CNTNAP3: variants seen among roughly 807,000 people sequenced by gnomAD.
The protein encoded by CNTNAP3 is contactin associated protein family member 3.
CNTNAP3 carries 36 observed loss-of-function variants against 92.1 expected under a neutral mutation model. That is an observed-to-expected ratio of 0.39 (90% CI 0.30 to 0.52). The LOEUF is 0.52. CNTNAP3 is among the 20% of genes least tolerant of loss of function. The probability of loss-of-function intolerance (pLI) is 0.76; values close to 1 mark genes in which losing one functional copy is unlikely to be tolerated. For synonymous variants in CNTNAP3, 232 were observed against 422.3 expected, an observed-to-expected ratio of 0.55 and a Z score of 5.53; for missense variants, 534 against 1,069.6, an observed-to-expected ratio of 0.50 and a Z score of 6.98.
chr9:39,067,559 G>A lies in CNTNAP3; in HGVS notation c.*6331C>T, dbSNP rs1382732361. ...ACTTCAGGCGCCCAACACCACGCCC[G>A]GCTAATTTTTGTATGTTTAGTAGAG... On this transcript the variant is annotated 3_prime_UTR_variant, in exon 24 of 24. Transcript: ENST00000297668. Among the ~76,000 whole-genome samples the A allele has an allele frequency of 1.5e-3, 219 of 149,830 alleles. No individual in the cohort carries two copies. Among genetic ancestry groups the A allele is most frequent in the African/African-American group, 5.0e-3 (197 of 39,294 alleles).
In CNTNAP3 at chr9:39,094,202, T is replaced by C. The variant is rs899121871; in HGVS notation, c.2996-5555A>G. 6.4e-4 allele frequency among the ~76,000 whole-genome samples: 97 copies of C among 151,722 alleles called. 1 individual carries two copies. Among genetic ancestry groups the C allele is most frequent in the African/African-American group, 2.2e-3 (93 of 41,526 alleles). ...GAGAAATGTCTCATCAAGTCCTTTG[T>C]CCAATTAGACTTTTTGTTGTTAAGT... On this transcript the variant is annotated intron_variant, in intron 18 of 23. Coordinates refer to ENST00000297668, the MANE Select transcript of CNTNAP3 (RefSeq NM_033655.5).
intron 12 of CNTNAP3, among the ~76,000 whole-genome samples, chr9:39,134,639 G>A (rs1416418441): frequency 6.6e-6 from 1 of 152,068 alleles, no homozygotes; most frequent in African/African-American, 2.4e-5. Context: ...TGTTGGCCAG[G>A]CTGGTCTTGA....
At chr9:39,091,248 G>C (rs1445051836) in intron 18 of CNTNAP3, among the ~76,000 whole-genome samples, 2 of 151,728 alleles carry the variant, frequency 1.3e-5, no homozygotes, top group East Asian at 3.9e-4. Flanking sequence ...GAACTAGTGA[G>C]AGTATACATT....
chr9:39,147,964 C>G (rs1307197861), intron 10 of CNTNAP3, among the ~76,000 whole-genome samples: 2 of 152,170 alleles, frequency 1.3e-5, no homozygotes, highest in African/African-American at 4.8e-5. Context: ...GAAAATCACA[C>G]TTGCATCACA....
intron 15 of CNTNAP3, among the ~76,000 whole-genome samples, chr9:39,104,432 A>G (rs1168898252): frequency 6.6e-6 from 1 of 151,618 alleles, no homozygotes; most frequent in Non-Finnish European, 1.5e-5. Context: ...AAATGACTCC[A>G]GAAGCCAGAA....
chr9:39,162,756 G>A (rs1245918038), intron 9 of CNTNAP3, among the ~76,000 whole-genome samples: 1 of 144,146 alleles, frequency 6.9e-6, no homozygotes, highest in Admixed American at 6.8e-5. Context: ...AGGAGTGGGA[G>A]CTTAGTATTG....
rs563737944 is a variant in CNTNAP3, at chr9:39,141,511, C to G, written c.1757-873G>C. Among the ~76,000 whole-genome samples, 936 of 152,138 alleles carry G rather than the reference C, an allele frequency of 6.2e-3. 6 individuals carry two copies. The highest frequency in any genetic ancestry group is 0.037 in the Middle Eastern group (11 of 294). ...GCTGAAATTCAAAACAGGAGAGAAA[C>G]TTTTTTGAAAGATATCCCTATATAA... On this transcript the variant is annotated intron_variant, in intron 11 of 23. Coordinates refer to ENST00000297668, the MANE Select transcript of CNTNAP3 (RefSeq NM_033655.5).
intron 18 of CNTNAP3, among the ~76,000 whole-genome samples, chr9:39,096,357 G>T: frequency 6.7e-6 from 1 of 149,382 alleles, no homozygotes; most frequent in Non-Finnish European, 1.5e-5. Context: ...CAGGCTAATA[G>T]CAGTGAATTC....
In CNTNAP3 at chr9:39,089,700, TA is replaced by T. The variant is rs567329937; in HGVS notation, c.2996-1054del. Among the ~76,000 whole-genome samples the T allele has an allele frequency of 9.4e-3, 1,439 of 152,280 alleles. 12 individuals are homozygous for T. The highest frequency in any genetic ancestry group is 0.041 in the Middle Eastern group (12 of 294). The stretch of plus-strand genomic sequence containing the variant: ...CAAACAGCAATTATGAGGGTTTTAA[TA>T]TCTCCACATCCTCACCAACATTTAT... On this transcript the variant is annotated intron_variant, in intron 18 of 23. Transcript: ENST00000297668.
chr9:39,103,849 C>T lies in CNTNAP3; in HGVS notation c.2431G>A (p.Gly811Arg), dbSNP rs1200739026. The T allele has an allele frequency of 1.4e-5, 22 of 1,610,688 alleles. No individual in the cohort carries two copies. The highest frequency in any genetic ancestry group is 1.0e-4 in the Admixed American group (6 of 59,916). ...TSYLHFPAFHGELTADVCFFF... is the reference protein window; with the variant it reads ...TSYLHFPAFHRELTADVCFFF... Reference sequence around the variant, plus strand: ...AAGCACACGTCAGCAGTGAGTTCTCCGTGGAAAGCAGGGAAATGAAGGTAT... The same window carrying T: ...AAGCACACGTCAGCAGTGAGTTCTCTGTGGAAAGCAGGGAAATGAAGGTAT... The change falls in exon 16 of 24, where the codon GGA becomes AGA. Residue 811 changes from glycine to arginine, a missense_variant. Physicochemically the swap from Gly to Arg is moderately radical, Grantham distance 125 (BLOSUM62 -2). Coordinates refer to ENST00000297668, the MANE Select transcript of CNTNAP3 (RefSeq NM_033655.5).
intron 12 of CNTNAP3, among the ~76,000 whole-genome samples, chr9:39,137,605 C>T (rs983445682): frequency 6.6e-6 from 1 of 151,934 alleles, no homozygotes; most frequent in Admixed American, 6.5e-5. Context: ...CTCCGCCTCC[C>T]GGATTCATGC....
intron 13 of CNTNAP3, among the ~76,000 whole-genome samples, chr9:39,123,013 G>A (rs1056553302): frequency 4.6e-5 from 7 of 151,466 alleles, no homozygotes; most frequent in East Asian, 3.9e-4. Flanking sequence ...TTGAAGATAC[G>A]TCAATAAAAT....
intron 13 of CNTNAP3, among the ~76,000 whole-genome samples, chr9:39,126,263 GAA>G (rs1481027357): frequency 6.6e-6 from 1 of 152,094 alleles, no homozygotes; most frequent in East Asian, 1.9e-4. Flanking sequence ...TGGTGAAAGA[GAA>G]AGTCTCGAGA....
intron 23 of CNTNAP3, among the ~76,000 whole-genome samples, chr9:39,076,693 G>C (rs1210002036): frequency 1.3e-5 from 2 of 152,294 alleles, no homozygotes; most frequent in African/African-American, 4.8e-5. Flanking sequence ...ACTCGGCCGG[G>C]CATGGTGGCT....
intron 21 of CNTNAP3, chr9:39,085,212 T>A (rs1425511452): frequency 2.0e-5 from 3 of 150,668 alleles, no homozygotes; most frequent in Admixed American, 1.2e-4. Flanking sequence ...GCGTAACAGA[T>A]ATTTATGAAT....
At chr9:39,138,567 A>G (rs1383170061) in intron 12 of CNTNAP3, among the ~76,000 whole-genome samples, 1 of 152,216 alleles carries the variant, frequency 6.6e-6, no homozygotes, top group Non-Finnish European at 1.5e-5. Flanking sequence ...GTGTACTTCA[A>G]GATGGTTCCT....
intron 13 of CNTNAP3, among the ~76,000 whole-genome samples, chr9:39,126,237 T>A (rs1248761300): frequency 6.6e-6 from 1 of 152,034 alleles, no homozygotes; most frequent in Admixed American, 6.6e-5. Flanking sequence ...AAAACACATT[T>A]CTAAATAATA....
chr9:39,095,017 C>T (rs150758324), intron 18 of CNTNAP3, among the ~76,000 whole-genome samples: 2,482 of 149,014 alleles, frequency 0.017, 76 homozygotes, highest in African/African-American at 0.058. Context: ...CTTTCAACAA[C>T]GTTTTATAGT....
chr9:39,093,652 A>T (rs1826262206), intron 18 of CNTNAP3, among the ~76,000 whole-genome samples: 1 of 151,512 alleles, frequency 6.6e-6, no homozygotes, highest in Non-Finnish European at 1.5e-5. Flanking sequence ...TATTTCACTT[A>T]GCATAATGTC....
Sources: gnomAD v4.1 joint callset for allele counts (sites outside exome capture counted in the v4.1 genomes callset) on GRCh38, gnomAD v4.1.1 for gene constraint, MANE v1.5 for transcripts, NCBI Gene and HGNC (gene_info 2026-07-23, HGNC 2026-07-21) for gene names.